The following MSANTD2 variants were observed in gnomAD, a reference collection of about 807,000 sequenced individuals.
MSANTD2 encodes the protein Myb/SANT DNA binding domain containing 2.
MSANTD2 carries 19 observed loss-of-function variants against 52.6 expected under a neutral mutation model. The ratio of observed to expected loss-of-function variants is 0.36; its 90% CI spans 0.25 to 0.53. The LOEUF is 0.53. Ranked by LOEUF, MSANTD2 falls within the 20% of genes least tolerant of loss-of-function variation. The pLI is 0.91. For missense variants in MSANTD2, 558 were observed against 716.3 expected (o/e 0.78, Z 2.52); for synonymous variants, 291 against 289.7 (o/e 1.00, Z -0.04).
intron 1 of MSANTD2, among the ~76,000 whole-genome samples, chr11:124,776,730 C>A (rs1944760773): frequency 6.6e-6 from 1 of 152,198 alleles, no homozygotes; most frequent in African/African-American, 2.4e-5. Context: ...GTGTGATGAT[C>A]TTCCTCACAC....
In MSANTD2 at chr11:124,767,171, G is replaced by T; in HGVS notation, c.*5C>A. On this transcript the variant is annotated 3_prime_UTR_variant, in exon 4 of 4. Coordinates refer to ENST00000374979, the MANE Select transcript of MSANTD2 (RefSeq NM_001308027.2). This position sits in a 1 kb window ranked among gnomAD's most constrained non-coding sequence, Gnocchi z 6.5. ...AAGAGCCCAAATCCTTATGAAGGAT[G>T]ACATTCAGTTGTTAAATTTTAAGGG... The T allele has an allele frequency of 6.3e-7, 1 of 1,586,062 alleles. No homozygotes were observed. The highest frequency in any genetic ancestry group is 1.2e-5 in the South Asian group (1 of 85,078).
chr11:124,787,138 T>A (rs940834076), intron 1 of MSANTD2, among the ~76,000 whole-genome samples: 15 of 152,174 alleles, frequency 9.9e-5, no homozygotes, highest in Non-Finnish European at 2.1e-4. Context: ...ATTATAATTA[T>A]TACAAAAATG....
Position 124,791,292 on chromosome 11 carries a change from CT to C in MSANTD2, c.510+8578del. ...TGGTCTACTCCATGCCCTCCTAGAA[CT>C]GTCCCTGTGGCTGGAGGGTCTCCAG... is the stretch of plus-strand genomic sequence containing the variant. On this transcript the variant is annotated intron_variant, in intron 1 of 3. Transcript: ENST00000374979. 1.4e-6 allele frequency: 2 copies of C among 1,451,004 alleles called. 1 individual carries two copies. Among genetic ancestry groups the C allele is most frequent in the Middle Eastern group, 3.6e-4 (2 of 5,556 alleles). The allele number at this position is 1,451,004 out of a possible 1,614,324, so 89.9% of individuals were successfully genotyped here.
At chr11:124,777,540 T>C (rs945255133) in intron 1 of MSANTD2, among the ~76,000 whole-genome samples, 1 of 152,220 alleles carries the variant, frequency 6.6e-6, no homozygotes, top group Non-Finnish European at 1.5e-5. Context: ...CTTATGTAAT[T>C]GTGAATAAGG....
At chr11:124,791,881 T>A in intron 1 of MSANTD2, 1 of 409,242 alleles carries the variant, frequency 2.4e-6, no homozygotes. Context: ...AGTGTCTGCC[T>A]TCAATTAGAA....
chr11:124,783,781 C>T (rs1020015621), intron 1 of MSANTD2: 15 of 985,142 alleles, frequency 1.5e-5, no homozygotes, highest in East Asian at 2.3e-4. Context: ...AAGAAAAAAA[C>T]CCTAAAGAAG....
intron 1 of MSANTD2, among the ~76,000 whole-genome samples, chr11:124,782,572 C>T (rs1018940520): frequency 2.6e-5 from 4 of 152,242 alleles, no homozygotes; most frequent in South Asian, 4.2e-4. Context: ...GATAAGTATT[C>T]CTTTAAGAGG....
In MSANTD2 at chr11:124,767,221, C is replaced by T; in HGVS notation, c.1635G>A (p.Glu545=). 1.2e-6 allele frequency: 2 copies of T among 1,611,816 alleles called. No homozygotes were observed. Residue 545 remains glutamate (E), a synonymous_variant, in exon 4 of 4, where the codon GAG becomes GAA. Transcript: ENST00000374979. The surrounding 1 kb of genome is among the most constrained non-coding windows in gnomAD (Gnocchi z 6.5). ...RDFLSAGSLV[E]CLEKAIGYPL... is the part of the protein sequence containing the mutation. ...GGTATCCAATGGCTTTTTCCAGGCACTCAACTAAAGAGCCTGCGGAAAGAA... is the reference window on the plus strand; with the variant it reads ...GGTATCCAATGGCTTTTTCCAGGCATTCAACTAAAGAGCCTGCGGAAAGAA...
intron 1 of MSANTD2, among the ~76,000 whole-genome samples, chr11:124,780,757 T>G (rs1944931595): frequency 6.6e-6 from 1 of 152,252 alleles, no homozygotes; most frequent in African/African-American, 2.4e-5. Flanking sequence ...TTCTAAAGAT[T>G]GGAACAATTA....
intron 1 of MSANTD2, chr11:124,784,254 C>A (rs556737613): frequency 6.1e-6 from 6 of 985,330 alleles, no homozygotes; most frequent in Non-Finnish European, 6.0e-6. Context: ...TAAGTCAGCA[C>A]CTCTTTGAAT....
intron 1 of MSANTD2, among the ~76,000 whole-genome samples, chr11:124,793,702 C>CT (rs1945401968): frequency 6.6e-6 from 1 of 152,166 alleles, no homozygotes; most frequent in African/African-American, 2.4e-5. Context: ...TTGGACAGGG[C>CT]TGTCCTAGGG....
At chr11:124,794,003 C>T (rs1945416215) in intron 1 of MSANTD2, among the ~76,000 whole-genome samples, 1 of 152,176 alleles carries the variant, frequency 6.6e-6, no homozygotes, top group Non-Finnish European at 1.5e-5. Context: ...CTATTTATAA[C>T]TTAAAACTGA....
At chr11:124,798,470 T>A (rs1236795292) in intron 1 of MSANTD2, among the ~76,000 whole-genome samples, 1 of 152,190 alleles carries the variant, frequency 6.6e-6, no homozygotes, top group East Asian at 1.9e-4. Flanking sequence ...ACTACTTTAA[T>A]GTCTTTGTTA....
intron 1 of MSANTD2, among the ~76,000 whole-genome samples, chr11:124,783,094 G>A (rs761417470): frequency 5.3e-5 from 8 of 152,154 alleles, no homozygotes; most frequent in Non-Finnish European, 8.8e-5. Context: ...TCAAAGACAG[G>A]AAGGGGGAAA....
intron 1 of MSANTD2, among the ~76,000 whole-genome samples, chr11:124,788,349 T>A (rs1470948300): frequency 6.6e-6 from 1 of 152,156 alleles, no homozygotes; most frequent in Non-Finnish European, 1.5e-5. Flanking sequence ...TGTAGATCTT[T>A]CATTCCTTTT....
intron 1 of MSANTD2, chr11:124,775,222 C>T: frequency 2.4e-6 from 1 of 409,050 alleles, no homozygotes; most frequent in South Asian, 3.1e-5. Context: ...AACATTACAA[C>T]ATTATTGCAT....
intron 3 of MSANTD2, among the ~76,000 whole-genome samples, chr11:124,772,742 C>CAAAA (rs57859579): frequency 3.1e-4 from 18 of 57,914 alleles, no homozygotes; most frequent in Non-Finnish European, 5.8e-4. Context: ...GATTCCGTCT[C>CAAAA]AAAAAAAAAA....
Position 124,774,568 on chromosome 11 carries a change from G to T in MSANTD2, c.766+151C>A. 1 of 763,008 alleles carries T rather than the reference G, an allele frequency of 1.3e-6. No homozygotes were observed. The highest frequency in any genetic ancestry group is 2.1e-6 in the Non-Finnish European group (1 of 486,442). 47.3% of individuals were successfully genotyped at this position (763,008 alleles called of 1,614,324 possible). A position where few individuals can be genotyped will look rare whatever the true frequency, so the allele number is the denominator to read the frequency against. On this transcript the variant is annotated intron_variant, in intron 2 of 3. Transcript: ENST00000374979. This position sits in a 1 kb window ranked among gnomAD's most constrained non-coding sequence, Gnocchi z 5.1. ...GACTGGGACATGCAAATTCATGAAA[G>T]ACATACAAGGCAGAGATGCCCTTTA...
In MSANTD2 at chr11:124,767,171, G is replaced by A. The variant is rs1318470265; in HGVS notation, c.*5C>T. 1 of 1,586,064 alleles carries A rather than the reference G, an allele frequency of 6.3e-7. No homozygotes were observed. The highest frequency in any genetic ancestry group is 2.2e-5 in the East Asian group (1 of 44,730). ...AAGAGCCCAAATCCTTATGAAGGATGACATTCAGTTGTTAAATTTTAAGGG... is the reference window on the plus strand; with the variant it reads ...AAGAGCCCAAATCCTTATGAAGGATAACATTCAGTTGTTAAATTTTAAGGG... On this transcript the variant is annotated 3_prime_UTR_variant, in exon 4 of 4. Coordinates refer to ENST00000374979, the MANE Select transcript of MSANTD2 (RefSeq NM_001308027.2). The surrounding 1 kb of genome is among the most constrained non-coding windows in gnomAD (Gnocchi z 6.5).
Sources: gnomAD v4.1 joint callset for allele counts (sites outside exome capture counted in the v4.1 genomes callset) on GRCh38, gnomAD v4.1.1 for gene constraint, Gnocchi (gnomAD v3.1) non-coding constraint, MANE v1.5 for transcripts, NCBI Gene and HGNC (gene_info 2026-07-23, HGNC 2026-07-21) for gene names.